Variants in TENM2 observed in about 807,000 individuals in gnomAD.
The protein encoded by TENM2 is teneurin transmembrane protein 2.
A neutral mutation model predicts 245.2 loss-of-function variants in TENM2; 52 were observed. The ratio of observed to expected loss-of-function variants is 0.21; its 90% CI spans 0.17 to 0.27. The LOEUF (loss-of-function observed/expected upper bound fraction) is 0.27, where lower values mean the gene tolerates loss of function less well. Ranked by LOEUF, TENM2 falls within the 10% of genes least tolerant of loss-of-function variation. The pLI, the probability that TENM2 is intolerant of heterozygous loss-of-function variation, is 1.00. For synonymous variants in TENM2, 1,363 were observed against 1,438.9 expected, an observed-to-expected ratio of 0.95 and a Z score of 1.19; for missense variants, 3,046 against 3,666.8, an observed-to-expected ratio of 0.83 and a Z score of 4.37.
chr5:167,744,757 T>C (rs1293875600), intron 2 of TENM2, among the ~76,000 whole-genome samples: 3 of 152,112 alleles, frequency 2.0e-5, no homozygotes, highest in African/African-American at 4.8e-5. Context: ...CAGGTTTTAA[T>C]TGATGTATTG....
chr5:167,070,030 C>T, the TENM2 span, among the ~76,000 whole-genome samples: 2 of 151,960 alleles, frequency 1.3e-5, no homozygotes, highest in Admixed American at 6.6e-5. Context: ...CGTCTTAAAG[C>T]GTGTGCCATT....
chr5:168,216,267 T>C (rs1581657923), intron 21 of TENM2, among the ~76,000 whole-genome samples: 1 of 152,272 alleles, frequency 6.6e-6, no homozygotes, highest in East Asian at 1.9e-4. Flanking sequence ...GAAGTGCTGA[T>C]TGGAGTCAAG....
rs888821115 is a variant in TENM2 at position 167,763,849 on chromosome 5, AT to A, written c.503-112127del. On this transcript the variant is annotated intron_variant, in intron 2 of 28. Transcript: ENST00000518659. The stretch of plus-strand genomic sequence containing the variant: ...TGACAAGCATTAATTTACAGTGAGC[AT>A]TTTTTTTTTCCTTTTTCTTTCTTTG... Among the ~76,000 whole-genome samples, 68 of 148,512 alleles carry A rather than the reference AT, an allele frequency of 4.6e-4. 1 individual carries two copies. The highest frequency in any genetic ancestry group is 3.8e-3 in the South Asian group (18 of 4,690).
intron 2 of TENM2, among the ~76,000 whole-genome samples, chr5:167,592,231 A>G (rs1775922818): frequency 6.6e-6 from 1 of 152,222 alleles, no homozygotes; most frequent in Admixed American, 6.5e-5. Context: ...ATGTGATTTT[A>G]AAAGCATCCC....
chr5:168,157,061 C>T (rs1337906325), intron 12 of TENM2, among the ~76,000 whole-genome samples: 2 of 152,078 alleles, frequency 1.3e-5, no homozygotes, highest in South Asian at 4.1e-4. Context: ...CAAGGAGGTA[C>T]CAGCCAATTG....
intron 2 of TENM2, among the ~76,000 whole-genome samples, chr5:167,872,496 G>T (rs1199315573): frequency 1.6e-4 from 2 of 12,156 alleles, no homozygotes. Flanking sequence ...AAGAAAGAAA[G>T]AAAGAAAGAA....
chr5:168,260,513 T>C lies in TENM2; in HGVS notation c.7563+100T>C, dbSNP rs1862300. ...AGGGGCATGTCAGCGCAGGAAAACA[T>C]TGGAGCTGGGTATAAAAGGTGCAGG... On this transcript the variant is annotated intron_variant, in intron 28 of 28. Transcript: ENST00000518659. The C allele has an allele frequency of 3.0e-3, 4,289 of 1,411,604 alleles. 103 individuals are homozygous for C. The African/African-American group carries it at 0.053, about 17-fold the overall frequency. 87.4% of individuals were successfully genotyped at this position (1,411,604 alleles called of 1,614,324 possible).
At chr5:167,839,802 C>A (rs749765650) in intron 2 of TENM2, among the ~76,000 whole-genome samples, 2 of 152,038 alleles carry the variant, frequency 1.3e-5, no homozygotes, top group Non-Finnish European at 1.5e-5. Flanking sequence ...AATTAAATTA[C>A]CTATCTAATT....
At chr5:167,528,083 C>T (rs569948307) in intron 2 of TENM2, among the ~76,000 whole-genome samples, 1 of 152,286 alleles carries the variant, frequency 6.6e-6, no homozygotes, top group South Asian at 2.1e-4. Flanking sequence ...TGACAAATTT[C>T]ATATTGCCTT....
At chr5:167,090,044 G>T in the TENM2 span, among the ~76,000 whole-genome samples, 8 of 152,044 alleles carry the variant, frequency 5.3e-5, no homozygotes, top group African/African-American at 1.9e-4. Flanking sequence ...GTACAAAGAA[G>T]GTACCAGTTT....
At chr5:167,137,521 A>C in the TENM2 span, among the ~76,000 whole-genome samples, 100 of 152,276 alleles carry the variant, frequency 6.6e-4, 1 homozygote, top group South Asian at 0.019. Context: ...AAATTCGGGA[A>C]TCTCCCCAGG....
chr5:167,687,143 C>T (rs977150156), intron 2 of TENM2, among the ~76,000 whole-genome samples: 4 of 152,062 alleles, frequency 2.6e-5, no homozygotes, highest in African/African-American at 7.2e-5. Flanking sequence ...CCGGTTACCT[C>T]GGGGAAAATT....
chr5:167,431,949 G>GTATATATATGTATATATATACA (rs1491258384), intron 2 of TENM2, among the ~76,000 whole-genome samples: 5 of 53,226 alleles, frequency 9.4e-5, no homozygotes, highest in South Asian at 4.9e-4. Flanking sequence ...ACATATATAT[G>GTATATATATGTATATATATACA]TATATATATA....
intron 2 of TENM2, among the ~76,000 whole-genome samples, chr5:167,541,909 G>A (rs1418469346): frequency 6.6e-6 from 1 of 152,174 alleles, no homozygotes; most frequent in Admixed American, 6.6e-5. Context: ...TGCTTTAGGG[G>A]ATTGTTAGAG....
Position 167,842,752 on chromosome 5 carries a change from C to T in TENM2, c.503-33234C>T, listed in dbSNP as rs113073223. Reference sequence around the variant, plus strand: ...AGGAGCTGAGTCTACTGAGCAAGTGCTTTGCTTCCTTGTGGCAGTGTCAAG... The same window carrying T: ...AGGAGCTGAGTCTACTGAGCAAGTGTTTTGCTTCCTTGTGGCAGTGTCAAG... On this transcript the variant is annotated intron_variant, in intron 2 of 28. Transcript: ENST00000518659. 3.5e-4 allele frequency among the ~76,000 whole-genome samples: 53 copies of T among 152,246 alleles called. 1 individual carries two copies. The highest frequency in any genetic ancestry group is 1.2e-3 in the African/African-American group (51 of 41,548).
chr5:167,165,076 G>A, the TENM2 span: 2 of 152,158 alleles, frequency 1.3e-5, no homozygotes, highest in African/African-American at 2.4e-5. Flanking sequence ...GGAGTGCGTT[G>A]AATATTACTT....
At chr5:167,468,916 C>T (rs1582133554) in intron 2 of TENM2, among the ~76,000 whole-genome samples, 1 of 152,134 alleles carries the variant, frequency 6.6e-6, no homozygotes, top group Admixed American at 6.5e-5. Context: ...TTCTATTGTA[C>T]TCAATTGAAG....
chr5:167,454,426 T>TA (rs1351526483), intron 2 of TENM2, among the ~76,000 whole-genome samples: 6 of 149,776 alleles, frequency 4.0e-5, no homozygotes, highest in African/African-American at 1.5e-4. Flanking sequence ...AAAACAGAGT[T>TA]AAAAAAATAA....
At chr5:167,573,523 C>T (rs1282185806) in intron 2 of TENM2, among the ~76,000 whole-genome samples, 2 of 79,660 alleles carry the variant, frequency 2.5e-5, no homozygotes, top group Non-Finnish European at 5.6e-5. Flanking sequence ...TCTCTCTCCC[C>T]CTCTCCCCCT....
Sources: gnomAD v4.1 joint callset for allele counts (sites outside exome capture counted in the v4.1 genomes callset) on GRCh38, gnomAD v4.1.1 for gene constraint, MANE v1.5 for transcripts, NCBI Gene and HGNC (gene_info 2026-07-23, HGNC 2026-07-21) for gene names.